RBFOX1: variants seen among roughly 807,000 people sequenced by gnomAD.
RBFOX1 encodes the protein RNA binding protein fox-1 homolog 1.
A neutral mutation model predicts 57.7 loss-of-function variants in RBFOX1; 8 were observed. The ratio of observed to expected loss-of-function variants is 0.14; its 90% confidence interval spans 0.08 to 0.25. RBFOX1 has a LOEUF of 0.25. Among genes scored for constraint, RBFOX1 ranks in the 10% least tolerant of loss-of-function variants. The pLI is 1.00. For missense variants in RBFOX1, 611 were observed against 548.5 expected, an observed-to-expected ratio of 1.11 and a Z score of -1.14; for synonymous variants, 326 against 222.4, an observed-to-expected ratio of 1.47 and a Z score of -4.15.
At chr16:6,240,453 G>A (rs1476122531) in intron 1 of RBFOX1, among the ~76,000 whole-genome samples, 1 of 152,024 alleles carries the variant, frequency 6.6e-6, no homozygotes, top group Non-Finnish European at 1.5e-5. Flanking sequence ...GTGAGGGAGT[G>A]AACCTTCCTC....
At chr16:6,431,985 A>G (rs1033185688) in intron 2 of RBFOX1, among the ~76,000 whole-genome samples, 3 of 144,974 alleles carry the variant, frequency 2.1e-5, no homozygotes, top group African/African-American at 7.7e-5. Flanking sequence ...AAATAGAGAC[A>G]GGGTCATATT....
chr16:5,977,743 G>A (rs2060093811), intron 4 of RBFOX1, among the ~76,000 whole-genome samples: 1 of 152,022 alleles, frequency 6.6e-6, no homozygotes, highest in South Asian at 2.1e-4. Context: ...GATACAGAAG[G>A]TCAGATGTGG....
At chr16:7,520,719 C>T (rs780992717) in intron 5 of RBFOX1, among the ~76,000 whole-genome samples, 14 of 152,094 alleles carry the variant, frequency 9.2e-5, no homozygotes, top group African/African-American at 2.2e-4. Flanking sequence ...GTTGCTTTTG[C>T]GCTGACTACC....
intron 1 of RBFOX1, among the ~76,000 whole-genome samples, chr16:6,257,307 C>T (rs150950848): frequency 1.1e-3 from 165 of 152,166 alleles, no homozygotes; most frequent in African/African-American, 3.8e-3. Flanking sequence ...AAAAATGGCC[C>T]CTCAGCCAAA....
chr16:7,232,189 A>T (rs1024978207), intron 4 of RBFOX1, among the ~76,000 whole-genome samples: 3 of 152,006 alleles, frequency 2.0e-5, no homozygotes, highest in African/African-American at 7.2e-5. Flanking sequence ...AGGCCCAACT[A>T]ATTTTTGTAT....
At chr16:6,931,330 TATCTATCTCTACAC>T (rs1325201456) in intron 3 of RBFOX1, among the ~76,000 whole-genome samples, 7 of 77,988 alleles carry the variant, frequency 9.0e-5, no homozygotes, top group Non-Finnish European at 1.9e-4. Flanking sequence ...TCTATCTATC[TATCTATCTCTACAC>T]ACACACACAC....
chr16:7,613,907 T>A (rs940553371), intron 10 of RBFOX1, among the ~76,000 whole-genome samples: 2 of 152,214 alleles, frequency 1.3e-5, no homozygotes, highest in African/African-American at 2.4e-5. Context: ...TCTATTTTAT[T>A]CAGATTGGCA....
At chr16:7,036,671 C>T (rs568658449) in intron 3 of RBFOX1, among the ~76,000 whole-genome samples, 24 of 149,568 alleles carry the variant, frequency 1.6e-4, no homozygotes, top group African/African-American at 6.0e-4. Context: ...CCAGCCTCGT[C>T]GAAAGAGCAA....
At chr16:6,490,260 C>A (rs1015897723) in intron 2 of RBFOX1, among the ~76,000 whole-genome samples, 3 of 152,214 alleles carry the variant, frequency 2.0e-5, no homozygotes, top group Admixed American at 6.5e-5. Context: ...AAAAAAAGAT[C>A]TTGCAAGTAC....
intron 3 of RBFOX1, among the ~76,000 whole-genome samples, chr16:6,776,308 G>C (rs1177969272): frequency 6.6e-6 from 1 of 152,084 alleles, no homozygotes; most frequent in Non-Finnish European, 1.5e-5. Context: ...CTACTCGGGG[G>C]GCTGAGGCAG....
At chr16:7,073,210 G>A (rs542603665) in intron 4 of RBFOX1, among the ~76,000 whole-genome samples, 3 of 152,180 alleles carry the variant, frequency 2.0e-5, no homozygotes, top group Admixed American at 6.5e-5. Flanking sequence ...AACTAAAATG[G>A]GTTTTAGATG....
intron 3 of RBFOX1, among the ~76,000 whole-genome samples, chr16:6,860,177 A>T (rs547001100): frequency 1.3e-5 from 2 of 152,312 alleles, no homozygotes; most frequent in Non-Finnish European, 2.9e-5. Context: ...TTTCTGAGTC[A>T]TCTGCAATAG....
chr16:6,806,836 A>ATATTTATATATATATATATT (rs754342591), intron 3 of RBFOX1, among the ~76,000 whole-genome samples: 1 of 91,904 alleles, frequency 1.1e-5, no homozygotes, highest in African/African-American at 4.1e-5. Flanking sequence ...ATATATATAT[A>ATATTTATATATATATATATT]TTTTTTTTTT....
intron 1 of RBFOX1, among the ~76,000 whole-genome samples, chr16:5,458,037 T>G (rs991586651): frequency 3.9e-5 from 6 of 152,178 alleles, no homozygotes; most frequent in African/African-American, 1.4e-4. Flanking sequence ...AATTGTCTTC[T>G]GGGCAGAAAA....
intron 1 of RBFOX1, among the ~76,000 whole-genome samples, chr16:5,274,842 T>C (rs2063103365): frequency 6.6e-6 from 1 of 152,324 alleles, no homozygotes; most frequent in South Asian, 2.1e-4. Context: ...TTTCTGCCTG[T>C]GACTGAATGG....
intron 2 of RBFOX1, among the ~76,000 whole-genome samples, chr16:6,384,633 A>G (rs2092114459): frequency 6.6e-6 from 1 of 152,238 alleles, no homozygotes; most frequent in Non-Finnish European, 1.5e-5. Context: ...TTGCAATTAC[A>G]GAATTATTTC....
chr16:6,677,895 TTTTG>T (rs2058015722), intron 3 of RBFOX1, among the ~76,000 whole-genome samples: 2 of 152,178 alleles, frequency 1.3e-5, no homozygotes, highest in African/African-American at 2.4e-5. Context: ...TAGGAGCAAT[TTTTG>T]TTTATTACTA....
intron 11 of RBFOX1, among the ~76,000 whole-genome samples, chr16:7,643,089 T>C (rs1428095085): frequency 1.3e-5 from 2 of 152,236 alleles, no homozygotes; most frequent in African/African-American, 2.4e-5. Context: ...ATACAACAGC[T>C]AACTTTGGGA....
rs1596705570 is a variant in RBFOX1 at position 6,050,668 on chromosome 16, C to T, written c.-127+30676C>T. On this transcript the variant is annotated intron_variant, in intron 1 of 15. Coordinates refer to ENST00000550418, the MANE Select transcript of RBFOX1 (RefSeq NM_018723.4). Reference sequence around the variant, plus strand: ...CAATTTAGTGACACTGTAATTTTACCCTTCCTTCTTCATGGAGTTACCGGA... The same window carrying T: ...CAATTTAGTGACACTGTAATTTTACTCTTCCTTCTTCATGGAGTTACCGGA... 2.0e-5 allele frequency among the ~76,000 whole-genome samples: 3 copies of T among 151,932 alleles called. No individual in the cohort carries two copies. In the South Asian group the frequency reaches 6.2e-4, roughly 32 times the overall value.
Sources: allele counts gnomAD v4.1 joint callset (sites outside exome capture counted in the v4.1 genomes callset), GRCh38; gene constraint gnomAD v4.1.1; transcripts MANE v1.5; gene names NCBI Gene and HGNC (gene_info 2026-07-23, HGNC 2026-07-21).